The following FHOD3 variants were observed in gnomAD, a reference collection of about 807,000 sequenced individuals.
FHOD3 encodes the protein formin homology 2 domain containing 3.
Under a neutral mutation model 173.0 loss-of-function variants are expected in FHOD3, and 90 were observed. That is an observed-to-expected ratio of 0.52 (90% CI 0.44 to 0.62). The LOEUF is 0.62. FHOD3 is among the 20% of genes least tolerant of loss of function. FHOD3 has a pLI of 0.00. For missense variants in FHOD3, 1,945 were observed against 2,034.7 expected (o/e 0.96, Z 0.85); for synonymous variants, 828 against 823.0 (o/e 1.01, Z -0.10).
intron 3 of FHOD3, among the ~76,000 whole-genome samples, chr18:36,476,391 G>A (rs963854904): frequency 1.3e-5 from 2 of 152,210 alleles, no homozygotes; most frequent in African/African-American, 4.8e-5. Flanking sequence ...CAGGGTTCAG[G>A]ACTGTGGGAT....
intron 1 of FHOD3, among the ~76,000 whole-genome samples, chr18:36,314,583 G>C (rs2044029888): frequency 6.6e-6 from 1 of 152,142 alleles, no homozygotes; most frequent in South Asian, 2.1e-4. Context: ...GAAGTTCAGG[G>C]GCTAGAGTAT....
intron 3 of FHOD3, among the ~76,000 whole-genome samples, chr18:36,492,278 C>T (rs976915487): frequency 6.6e-6 from 1 of 152,192 alleles, no homozygotes; most frequent in Non-Finnish European, 1.5e-5. Context: ...CACTCTCCAT[C>T]CCCAGGCTCA....
intron 5 of FHOD3, among the ~76,000 whole-genome samples, chr18:36,515,840 A>T (rs958965859): frequency 3.9e-5 from 6 of 152,160 alleles, no homozygotes; most frequent in African/African-American, 1.4e-4. Context: ...CGAGCACTCC[A>T]CTCAGGCTAC....
intron 3 of FHOD3, among the ~76,000 whole-genome samples, chr18:36,487,099 CT>C (rs1333353471): frequency 6.6e-6 from 1 of 152,120 alleles, no homozygotes; most frequent in African/African-American, 2.4e-5. Flanking sequence ...CTGAGTAAAG[CT>C]TCTATGAACC....
At chr18:36,411,228 G>C (rs1432688015) in intron 3 of FHOD3, among the ~76,000 whole-genome samples, 1 of 152,114 alleles carries the variant, frequency 6.6e-6, no homozygotes, top group African/African-American at 2.4e-5. Flanking sequence ...ATACCCAGTT[G>C]TTGTAGCACC....
chr18:36,686,126 C>A (rs995824109), intron 15 of FHOD3, among the ~76,000 whole-genome samples: 5 of 152,100 alleles, frequency 3.3e-5, no homozygotes, highest in Admixed American at 2.6e-4. Flanking sequence ...GAATATAAAT[C>A]ATTCTATCTT....
At chr18:36,339,067 G>A (rs1184000243) in intron 1 of FHOD3, among the ~76,000 whole-genome samples, 4 of 152,114 alleles carry the variant, frequency 2.6e-5, no homozygotes, top group Non-Finnish European at 4.4e-5. Flanking sequence ...CCTTTTCTCA[G>A]GGTGGGGCCC....
intron 5 of FHOD3, among the ~76,000 whole-genome samples, chr18:36,555,125 G>T (rs1193804493): frequency 6.6e-6 from 1 of 152,050 alleles, no homozygotes; most frequent in East Asian, 1.9e-4. Flanking sequence ...TCTTAAAGTG[G>T]AAGCTGCGTT....
At chr18:36,645,589 T>G (rs2035625831) in intron 10 of FHOD3, among the ~76,000 whole-genome samples, 1 of 152,192 alleles carries the variant, frequency 6.6e-6, no homozygotes, top group Non-Finnish European at 1.5e-5. Flanking sequence ...TACCTACCTC[T>G]TTATAAGGCC....
chr18:36,635,473 A>G (rs956081317), intron 10 of FHOD3, among the ~76,000 whole-genome samples: 1 of 152,190 alleles, frequency 6.6e-6, no homozygotes, highest in African/African-American at 2.4e-5. Flanking sequence ...AGGCTGCACA[A>G]AGAGATTGGT....
chr18:36,458,544 A>T (rs1599205055), intron 3 of FHOD3, among the ~76,000 whole-genome samples: 1 of 152,132 alleles, frequency 6.6e-6, no homozygotes. Flanking sequence ...TGCTTGCCTC[A>T]GCTGGGGCCT....
chr18:36,769,283 C>G lies in FHOD3; in HGVS notation c.4643C>G (p.Thr1548Ser). ...RASRGSTSSW[T>S]MGTDDSPNVT... ...TTTTTAGGATCCACTAGTTCCTGGA[C>G]TATGGGAACTGATGACTCGCCCAAT... is the stretch of plus-strand genomic sequence containing the variant. The change falls in exon 28 of 29, where the codon ACT becomes AGT. Residue 1548 changes from threonine (T) to serine (S), a missense_variant. By Grantham distance (58) the Thr-to-Ser change is moderately conservative (BLOSUM62 1). Coordinates refer to ENST00000590592, the MANE Select transcript of FHOD3 (RefSeq NM_001281740.3). The G allele has an allele frequency of 5.0e-6, 8 of 1,614,136 alleles. No individual in the cohort carries two copies. The highest frequency in any genetic ancestry group is 6.8e-6 in the Non-Finnish European group (8 of 1,180,026).
chr18:36,465,882 C>A (rs1456926493), intron 3 of FHOD3, among the ~76,000 whole-genome samples: 1 of 152,066 alleles, frequency 6.6e-6, no homozygotes, highest in Non-Finnish European at 1.5e-5. Flanking sequence ...GATTCTCCTC[C>A]CTCTTCTTAA....
rs370314717 is a variant in FHOD3 at position 36,709,102 on chromosome 18, C to T, written c.2244C>T (p.Ala748=). ...CATTGTTGTCTCCACCAGCAAGTGCCGGGGATCCTGAACCCGAATCAGAGG... is the reference window on the plus strand; with the variant it reads ...CATTGTTGTCTCCACCAGCAAGTGCTGGGGATCCTGAACCCGAATCAGAGG... ...PGTPHHPQAS[A]GDPEPESEAE... Residue 748 remains alanine (A), a synonymous_variant, in exon 18 of 29, where the codon GCC becomes GCT. Transcript: ENST00000590592. The T allele has an allele frequency of 3.3e-5, 53 of 1,611,990 alleles. No individual in the cohort carries two copies. The highest frequency in any genetic ancestry group is 2.2e-4 in the Admixed American group (13 of 59,962).
chr18:36,645,864 T>G (rs1057158046), intron 10 of FHOD3, among the ~76,000 whole-genome samples: 2 of 152,158 alleles, frequency 1.3e-5, no homozygotes, highest in African/African-American at 2.4e-5. Context: ...TTATCTTAAA[T>G]GCAGGAAAGG....
intron 24 of FHOD3, among the ~76,000 whole-genome samples, chr18:36,752,104 A>T (rs1458724442): frequency 6.6e-6 from 1 of 152,196 alleles, no homozygotes; most frequent in Middle Eastern, 3.2e-3. Context: ...GAAAGCCCTT[A>T]TAAAACCATC....
intron 5 of FHOD3, among the ~76,000 whole-genome samples, chr18:36,576,032 AC>A (rs2058635523): frequency 6.6e-6 from 1 of 152,236 alleles, no homozygotes; most frequent in Non-Finnish European, 1.5e-5. Context: ...CTTGCTGACC[AC>A]AGACTGGGGC....
At position 36,696,554 on chromosome 18, in the gene FHOD3, A is replaced by C. The variant is rs115885028; in HGVS notation, c.2236+3131A>C. On this transcript the variant is annotated intron_variant, in intron 17 of 28. Coordinates refer to ENST00000590592, the MANE Select transcript of FHOD3 (RefSeq NM_001281740.3). The stretch of plus-strand genomic sequence containing the variant: ...AGGGAAAGGCTAATGATAAATACTG[A>C]TAGCATGATATGCCATCTAGTGAGA... Among the ~76,000 whole-genome samples, 714 of 152,324 alleles carry C rather than the reference A, an allele frequency of 4.7e-3. 8 individuals carry two copies. The highest frequency in any genetic ancestry group is 0.016 in the African/African-American group (649 of 41,564).
At chr18:36,604,234 G>T (rs903733) in intron 8 of FHOD3, among the ~76,000 whole-genome samples, 27,655 of 152,192 alleles carry the variant, frequency 0.18, 2,841 homozygotes, top group East Asian at 0.38. Context: ...CATGCTGGGT[G>T]TGAGCCTGCA....
Sources: gnomAD v4.1 joint callset for allele counts (sites outside exome capture counted in the v4.1 genomes callset) on GRCh38, gnomAD v4.1.1 for gene constraint, MANE v1.5 for transcripts, NCBI Gene and HGNC (gene_info 2026-07-23, HGNC 2026-07-21) for gene names.